The following PCDHGA9 variants were observed in gnomAD, a reference collection of about 807,000 sequenced individuals.
PCDHGA9 encodes the protein protocadherin gamma subfamily A, 9.
Under a neutral mutation model 62.5 loss-of-function variants are expected in PCDHGA9, and 37 were observed. The observed-to-expected ratio is 0.59, with a 90% confidence interval of 0.46 to 0.78. The LOEUF (loss-of-function observed/expected upper bound fraction) is 0.78, where lower values mean the gene tolerates loss of function less well. Ranked by LOEUF, PCDHGA9 falls within the 30% of genes least tolerant of loss-of-function variation. The pLI is 0.00. For synonymous variants in PCDHGA9, 459 were observed against 484.6 expected (o/e 0.95, Z 0.69); for missense variants, 1,138 against 1,166.2 (o/e 0.98, Z 0.35).
At chr5:141,418,196 C>G in intron 1 of PCDHGA9, 1 of 1,614,032 alleles carries the variant, frequency 6.2e-7, no homozygotes, top group Non-Finnish European at 8.5e-7. Context: ...GGTGGAAAAT[C>G]CTTTAAATAT....
chr5:141,451,521 T>A (rs1164313767), intron 1 of PCDHGA9, among the ~76,000 whole-genome samples: 2 of 152,148 alleles, frequency 1.3e-5, no homozygotes, highest in African/African-American at 4.8e-5. Flanking sequence ...TTAGAGCAAG[T>A]AAAGGAGAGT....
At chr5:141,410,739 A>G in intron 1 of PCDHGA9, 1 of 1,303,782 alleles carries the variant, frequency 7.7e-7, no homozygotes. Flanking sequence ...GCTTTTTACA[A>G]TATTTTCTCA....
intron 1 of PCDHGA9, among the ~76,000 whole-genome samples, chr5:141,471,978 A>C (rs1246474598): frequency 1.3e-5 from 2 of 152,184 alleles, no homozygotes; most frequent in African/African-American, 4.8e-5. Flanking sequence ...TTACTGTATA[A>C]ATTTATTAAA....
chr5:141,420,076 T>A, intron 1 of PCDHGA9: 2 of 1,613,956 alleles, frequency 1.2e-6, no homozygotes, highest in Non-Finnish European at 1.7e-6. Context: ...GACCTGTGGG[T>A]CCCCCCAACT....
At chr5:141,461,861 T>C (rs1445632008) in intron 1 of PCDHGA9, among the ~76,000 whole-genome samples, 8 of 152,182 alleles carry the variant, frequency 5.3e-5, no homozygotes, top group Middle Eastern at 3.4e-3. Flanking sequence ...TTTGCTCTTG[T>C]TGCCCAGGCT....
In PCDHGA9 at chr5:141,403,721, C is replaced by G. The variant is rs748888364; in HGVS notation, c.769C>G (p.Pro257Ala). ...AGTTAAAGTCCTTGAGAACGTGCCC[C>G]CAGGCACCTGGCTGCTTACTGCAAC... ...YRVKVLENVPPGTWLLTATAS... is the reference protein window; with the variant it reads ...YRVKVLENVPAGTWLLTATAS... The change falls in exon 1 of 4, where the codon CCA (proline) becomes GCA (alanine). Residue 257 changes from proline to alanine, a missense_variant. Pro to Ala is a conservative substitution (Grantham distance 27). Coordinates refer to ENST00000573521, the MANE Select transcript of PCDHGA9 (RefSeq NM_018921.3). 2 of 1,613,872 alleles carry G rather than the reference C, an allele frequency of 1.2e-6. No individual in the cohort carries two copies. The highest frequency in any genetic ancestry group is 2.2e-5 in the East Asian group (1 of 44,866).
Position 141,476,383 on chromosome 5 carries a change from C to G in PCDHGA9, c.2425-18424C>G, listed in dbSNP as rs547854431. ...GGGAGACCGGAGAGATGTTTGTGAACGACCGTCTGGATCGAGAGGAGCTGT... is the reference window on the plus strand; with the variant it reads ...GGGAGACCGGAGAGATGTTTGTGAAGGACCGTCTGGATCGAGAGGAGCTGT... On this transcript the variant is annotated intron_variant, in intron 1 of 3. Transcript: ENST00000573521. The surrounding 1 kb of genome is among the most constrained non-coding windows in gnomAD (Gnocchi z 7.6). 1.2e-6 allele frequency: 2 copies of G among 1,614,102 alleles called. No homozygotes were observed. Among genetic ancestry groups the G allele is most frequent in the Middle Eastern group, 3.3e-4 (2 of 6,062 alleles).
At chr5:141,414,064 C>T in intron 1 of PCDHGA9, 1 of 1,607,864 alleles carries the variant, frequency 6.2e-7, no homozygotes, top group Non-Finnish European at 8.5e-7. Context: ...GTTGAAGTTC[C>T]AACTAAACAA....
At chr5:141,482,116 T>C (rs1017195289) in intron 1 of PCDHGA9, among the ~76,000 whole-genome samples, 4 of 150,222 alleles carry the variant, frequency 2.7e-5, no homozygotes, top group South Asian at 2.1e-4. Context: ...TATCTAGAGA[T>C]GGGAGAATCA....
chr5:141,447,849 G>A (rs2154561912), intron 1 of PCDHGA9, among the ~76,000 whole-genome samples: 1 of 152,306 alleles, frequency 6.6e-6, no homozygotes, highest in East Asian at 1.9e-4. Context: ...GCTTTGGGAG[G>A]CCGAGGTGGG....
Position 141,418,592 on chromosome 5 carries a change from G to A in PCDHGA9, c.2424+13216G>A, listed in dbSNP as rs772314584. Reference sequence around the variant, plus strand: ...TGACAACCCCCCAGTGTTCAGCCAGGACGTGTACAGGGTTAGCCTTCGGGA... The same window carrying A: ...TGACAACCCCCCAGTGTTCAGCCAGAACGTGTACAGGGTTAGCCTTCGGGA... On this transcript the variant is annotated intron_variant, in intron 1 of 3. Transcript: ENST00000573521. 18 of 1,614,020 alleles carry A rather than the reference G, an allele frequency of 1.1e-5. No homozygotes were observed. The highest frequency in any genetic ancestry group is 1.5e-5 in the Non-Finnish European group (18 of 1,179,902).
chr5:141,506,216 T>A (rs2237080), intron 3 of PCDHGA9, among the ~76,000 whole-genome samples: 78,167 of 151,604 alleles, frequency 0.52, 20,820 homozygotes, highest in African/African-American at 0.63. Flanking sequence ...TTTGGGAAGC[T>A]GAGGCAGGAG....
At position 141,409,225 on chromosome 5, in the gene PCDHGA9, C is replaced by T. The variant is rs781617309; in HGVS notation, c.2424+3849C>T. 59 of 1,613,878 alleles carry T rather than the reference C, an allele frequency of 3.7e-5. 2 individuals carry two copies. The East Asian group carries it at 1.1e-3, about 30-fold the overall frequency. On this transcript the variant is annotated intron_variant, in intron 1 of 3. Coordinates refer to ENST00000573521, the MANE Select transcript of PCDHGA9 (RefSeq NM_018921.3). ...TAATCATAGAAATCCTTGATGAAAA[C>T]GACAACAGCCCAGAAATAATCATCA...
rs1025148587 is a variant in PCDHGA9 at position 141,431,434 on chromosome 5, C to A, written c.2424+26058C>A. ...GGGGCGACCCGGTGCGCACAGGCAC[C>A]GCGCGCATCCGCGTGATGGTTCTGG... On this transcript the variant is annotated intron_variant, in intron 1 of 3. Transcript: ENST00000573521. This position sits in a 1 kb window ranked among gnomAD's most constrained non-coding sequence, Gnocchi z 4.8. 1.2e-6 allele frequency: 2 copies of A among 1,613,690 alleles called. No homozygotes were observed. Among genetic ancestry groups the A allele is most frequent in the Admixed American group, 1.7e-5 (1 of 60,014 alleles).
intron 1 of PCDHGA9, among the ~76,000 whole-genome samples, chr5:141,405,769 C>T (rs1363688527): frequency 2.6e-5 from 4 of 152,080 alleles, no homozygotes; most frequent in Non-Finnish European, 2.9e-5. Context: ...TGAGCCACTG[C>T]GCCTGGCCCT....
rs534816363 is a variant in PCDHGA9, at chr5:141,456,234, G to T, written c.2425-38573G>T. Among the ~76,000 whole-genome samples the T allele has an allele frequency of 2.2e-4, 33 of 152,224 alleles. 1 individual carries two copies. The South Asian group carries it at 6.9e-3, about 32-fold the overall frequency. On this transcript the variant is annotated intron_variant, in intron 1 of 3. Transcript: ENST00000573521. ...CTGTGGCGATATCAAACTAACTGCT[G>T]TTAGGAGGCTTTGGGCGACCATTGC...
At position 141,491,116 on chromosome 5, in the gene PCDHGA9, GGT is replaced by G. The variant is rs2099708409; in HGVS notation, c.2425-3689_2425-3688del. The G allele has an allele frequency of 1.2e-6, 2 of 1,614,178 alleles. No individual in the cohort carries two copies. Among genetic ancestry groups the G allele is most frequent in the Non-Finnish European group, 1.7e-6 (2 of 1,180,024 alleles). On this transcript the variant is annotated intron_variant, in intron 1 of 3. Transcript: ENST00000573521. This position sits in a 1 kb window ranked among gnomAD's most constrained non-coding sequence, Gnocchi z 6.9. Reference sequence around the variant, plus strand: ...ACTGTTCCTCGTGTCTACACACACTGGTGAGGTGCGCACAGCCCGGGCCTTAC... The same window carrying G: ...ACTGTTCCTCGTGTCTACACACACTGGAGGTGCGCACAGCCCGGGCCTTAC...
intron 1 of PCDHGA9, among the ~76,000 whole-genome samples, chr5:141,406,072 C>CTTT (rs530474569): frequency 7.1e-6 from 1 of 141,484 alleles, no homozygotes. Flanking sequence ...ATTCTTACTC[C>CTTT]TTTTTTTTTT....
chr5:141,453,317 G>A (rs1218359210), intron 1 of PCDHGA9, among the ~76,000 whole-genome samples: 1 of 151,178 alleles, frequency 6.6e-6, no homozygotes, highest in Non-Finnish European at 1.5e-5. Flanking sequence ...ATTTATTTTA[G>A]AGATGGGGTC....
Sources: allele counts gnomAD v4.1 joint callset (sites outside exome capture counted in the v4.1 genomes callset), GRCh38; gene constraint gnomAD v4.1.1; non-coding constraint Gnocchi (gnomAD v3.1); transcripts MANE v1.5; gene names NCBI Gene and HGNC (gene_info 2026-07-23, HGNC 2026-07-21).